CACNA1E: variants seen among roughly 807,000 people sequenced by gnomAD.
The protein encoded by CACNA1E is calcium voltage-gated channel subunit alpha1 E.
Under a neutral mutation model 259.2 loss-of-function variants are expected in CACNA1E, and 40 were observed. The ratio of observed to expected loss-of-function variants is 0.15; its 90% CI spans 0.12 to 0.20. The LOEUF (loss-of-function observed/expected upper bound fraction) is 0.20, where lower values mean the gene tolerates loss of function less well. Among genes scored for constraint, CACNA1E ranks in the 10% least tolerant of loss-of-function variants. The pLI, the probability that CACNA1E is intolerant of heterozygous loss-of-function variation, is 1.00. For missense variants in CACNA1E, 1,874 were observed against 3,040.1 expected, an observed-to-expected ratio of 0.62 and a Z score of 9.02; for synonymous variants, 1,104 against 1,138.5, an observed-to-expected ratio of 0.97 and a Z score of 0.61.
chr1:181,620,465 C>G (rs1229693398), intron 6 of CACNA1E, among the ~76,000 whole-genome samples: 2 of 152,198 alleles, frequency 1.3e-5, no homozygotes, highest in African/African-American at 4.8e-5. Flanking sequence ...GTGATACATT[C>G]ACCTCAAGGT....
intron 7 of CACNA1E, among the ~76,000 whole-genome samples, chr1:181,701,585 C>T (rs928552769): frequency 2.0e-5 from 3 of 152,142 alleles, no homozygotes; most frequent in Non-Finnish European, 4.4e-5. Flanking sequence ...CGCAGACTGG[C>T]GGAGAATTAA....
At chr1:181,619,683 G>A (rs1363844652) in intron 6 of CACNA1E, among the ~76,000 whole-genome samples, 1 of 152,198 alleles carries the variant, frequency 6.6e-6, no homozygotes, top group African/African-American at 2.4e-5. Context: ...GTAGCAGTAT[G>A]AATGGTGAGG....
At chr1:181,768,871 C>CAAAT (rs1284638095) in intron 35 of CACNA1E, among the ~76,000 whole-genome samples, 2 of 152,128 alleles carry the variant, frequency 1.3e-5, no homozygotes, top group Non-Finnish European at 1.5e-5. Context: ...GGGATCTGTA[C>CAAAT]AAATAATAAA....
chr1:181,580,189 T>G (rs1475536928), intron 5 of CACNA1E, among the ~76,000 whole-genome samples: 1 of 152,164 alleles, frequency 6.6e-6, no homozygotes, highest in Non-Finnish European at 1.5e-5. Context: ...AAAAGGACCA[T>G]AGTTTATAAC....
At chr1:181,671,597 T>G (rs1379223434) in intron 7 of CACNA1E, among the ~76,000 whole-genome samples, 1 of 152,152 alleles carries the variant, frequency 6.6e-6, no homozygotes, top group Non-Finnish European at 1.5e-5. Context: ...CCCGTGTGAT[T>G]CTATGGATAT....
At chr1:181,781,767 A>G (rs1195259443) in intron 39 of CACNA1E, among the ~76,000 whole-genome samples, 2 of 152,188 alleles carry the variant, frequency 1.3e-5, no homozygotes, top group Non-Finnish European at 2.9e-5. Flanking sequence ...TGTTTCTACA[A>G]CTGTGTGGCT....
intron 17 of CACNA1E, among the ~76,000 whole-genome samples, chr1:181,725,299 C>T (rs1324771669): frequency 1.3e-5 from 2 of 152,200 alleles, no homozygotes; most frequent in African/African-American, 4.8e-5. Flanking sequence ...AGCTGAGAAA[C>T]TGGGTCTGAG....
chr1:181,683,683 T>C (rs1240862275), intron 7 of CACNA1E, among the ~76,000 whole-genome samples: 3 of 152,228 alleles, frequency 2.0e-5, no homozygotes, highest in African/African-American at 7.2e-5. Context: ...AATGAGAACA[T>C]GCAGTATTTG....
At chr1:181,477,104 A>T (rs970261249) in intron 2 of CACNA1E, among the ~76,000 whole-genome samples, 2 of 152,166 alleles carry the variant, frequency 1.3e-5, no homozygotes, top group Non-Finnish European at 2.9e-5. Context: ...GAAAGAAAAT[A>T]AAAATGCTGA....
rs569333596 is a variant in CACNA1E, at chr1:181,507,935, G to A, written c.267-2542G>A. Reference sequence around the variant, plus strand: ...TGTGAACACTTTTGTTAGGAACCAGGACAGGGGATGACATGGAAGAGGCCC... The same window carrying A: ...TGTGAACACTTTTGTTAGGAACCAGAACAGGGGATGACATGGAAGAGGCCC... On this transcript the variant is annotated intron_variant, in intron 1 of 47. Transcript: ENST00000367573. 2.0e-5 allele frequency among the ~76,000 whole-genome samples: 3 copies of A among 152,256 alleles called. No individual in the cohort carries two copies. In the South Asian group the frequency reaches 6.2e-4, roughly 32 times the overall value.
rs1334543725 is a variant in CACNA1E at position 181,762,619 on chromosome 1, A to G, written c.4651A>G (p.Ile1551Val). 3.7e-6 allele frequency: 6 copies of G among 1,609,022 alleles called. No individual in the cohort carries two copies. Among genetic ancestry groups the G allele is most frequent in the Non-Finnish European group, 4.2e-6 (5 of 1,177,370 alleles). Residue 1551 changes from isoleucine to valine, a missense_variant, in exon 33 of 48, where the codon ATT (isoleucine) becomes GTT (valine). Coordinates refer to ENST00000367573, the MANE Select transcript of CACNA1E (RefSeq NM_001205293.3). The part of the protein sequence containing the change: ...TWNIFDFITV[I>V]GSITEIILTD... ...GAATATCTTTGACTTCATCACCGTG[A>G]TTGGCAGTATCACAGAAATTATCCT...
chr1:181,515,463 A>G (rs1217453764), intron 3 of CACNA1E, among the ~76,000 whole-genome samples: 2 of 152,222 alleles, frequency 1.3e-5, no homozygotes, highest in African/African-American at 4.8e-5. Context: ...TGTGTTGGTG[A>G]AGGCAGAAGG....
chr1:181,318,831 C>A (rs1487447364), intron 1 of CACNA1E, among the ~76,000 whole-genome samples: 1 of 152,012 alleles, frequency 6.6e-6, no homozygotes, highest in African/African-American at 2.4e-5. Context: ...AATTGGGGCT[C>A]GAAGTAGGGG....
chr1:181,332,108 G>A (rs981569315), intron 1 of CACNA1E, among the ~76,000 whole-genome samples: 5 of 152,182 alleles, frequency 3.3e-5, no homozygotes, highest in Admixed American at 6.5e-5. Context: ...GCAAACTAAC[G>A]TAGGAACAGA....
chr1:181,658,561 A>T (rs1220078544), intron 7 of CACNA1E, among the ~76,000 whole-genome samples: 1 of 152,122 alleles, frequency 6.6e-6, no homozygotes, highest in Admixed American at 6.5e-5. Flanking sequence ...ATATTAACAT[A>T]CATTTTCTCA....
chr1:181,772,472 C>G (rs963950318), intron 37 of CACNA1E, among the ~76,000 whole-genome samples: 3 of 152,078 alleles, frequency 2.0e-5, no homozygotes, highest in Non-Finnish European at 4.4e-5. Context: ...GGGTGACTTT[C>G]AATGATTGAG....
intron 32 of CACNA1E, among the ~76,000 whole-genome samples, chr1:181,759,779 G>T (rs562230341): frequency 6.6e-6 from 1 of 152,280 alleles, no homozygotes; most frequent in African/African-American, 2.4e-5. Flanking sequence ...GGAGAACTTT[G>T]CTCATTATCT....
At chr1:181,584,879 A>G (rs1215723627) in intron 6 of CACNA1E, among the ~76,000 whole-genome samples, 1 of 152,192 alleles carries the variant, frequency 6.6e-6, no homozygotes, top group Non-Finnish European at 1.5e-5. Context: ...AGATGAACCA[A>G]CTGACCTAGG....
At chr1:181,572,804 CT>C (rs1475972951) in intron 3 of CACNA1E, among the ~76,000 whole-genome samples, 1 of 152,132 alleles carries the variant, frequency 6.6e-6, no homozygotes, top group African/African-American at 2.4e-5. Context: ...CATTAAGCTA[CT>C]TTTGTACATA....
Sources: allele counts gnomAD v4.1 joint callset (sites outside exome capture counted in the v4.1 genomes callset), GRCh38; gene constraint gnomAD v4.1.1; transcripts MANE v1.5; gene names NCBI Gene and HGNC (gene_info 2026-07-23, HGNC 2026-07-21).